TEDC1: variants seen among roughly 807,000 people sequenced by gnomAD.
TEDC1 encodes tubulin epsilon and delta complex protein 1.
Under a neutral mutation model 59.9 loss-of-function variants are expected in TEDC1, and 54 were observed. The observed-to-expected ratio is 0.90, with a 90% CI of 0.72 to 1.13. The LOEUF (loss-of-function observed/expected upper bound fraction) is 1.13. TEDC1 is among the 50% of genes most tolerant of loss of function. The pLI, the probability that TEDC1 is intolerant of heterozygous loss-of-function variation, is 0.00. For synonymous variants in TEDC1, 353 were observed against 298.1 expected, an observed-to-expected ratio of 1.18 and a Z score of -1.90; for missense variants, 734 against 683.4, an observed-to-expected ratio of 1.07 and a Z score of -0.83.
intron 5 of TEDC1, chr14:105,495,591 T>C: frequency 2.8e-6 from 1 of 360,390 alleles, no homozygotes; most frequent in South Asian, 4.6e-5. Context: ...CCAGTCAGCC[T>C]GCACTGGCGT....
rs1476979333 is a variant in TEDC1, at chr14:105,491,720, C to T, written c.226+20C>T. The T allele has an allele frequency of 5.2e-6, 8 of 1,543,360 alleles. No homozygotes were observed. In the Admixed American group the frequency reaches 1.2e-4, roughly 23 times the overall value. On this transcript the variant is annotated intron_variant, in intron 2 of 8. Coordinates refer to ENST00000392523, the MANE Select transcript of TEDC1 (RefSeq NM_001367178.1). ...CCCTGGGTAAGCCCCGCTCCTGGCC[C>T]CGCCCACCCGGTAGCACTGGCCCCG...
At chr14:105,491,022 A>G (rs1302357945), upstream of TEDC1, 4 of 1,550,072 alleles carry the variant, frequency 2.6e-6, no homozygotes, top group African/African-American at 5.5e-5. Flanking sequence ...GAGACAGAAT[A>G]GACTACACTC....
chr14:105,497,344 G>T lies in TEDC1; in HGVS notation c.892-13G>T, dbSNP rs1366600429. On this transcript the variant is annotated splice_polypyrimidine_tract_variant and intron_variant, in intron 6 of 8. Coordinates refer to ENST00000392523, the MANE Select transcript of TEDC1 (RefSeq NM_001367178.1). ...CGTGTGAGGTTCTAGGCCAGCTGCC[G>T]TTTGCCTTCCAGCTGCTGCGGACTC... 7 of 1,549,770 alleles carry T rather than the reference G, an allele frequency of 4.5e-6. No individual in the cohort carries two copies. The highest frequency in any genetic ancestry group is 2.0e-5 in the Admixed American group (1 of 51,016).
chr14:105,491,301 G>T lies in TEDC1; in HGVS notation c.-75G>T. ...GGTCCCAGCCGCCGCACTAAACCCGGCCCGTGCGGTGATTGGACGCAGGCC... is the reference window on the plus strand; with the variant it reads ...GGTCCCAGCCGCCGCACTAAACCCGTCCCGTGCGGTGATTGGACGCAGGCC... On this transcript the variant is annotated 5_prime_UTR_variant, in exon 1 of 9. Coordinates refer to ENST00000392523, the MANE Select transcript of TEDC1 (RefSeq NM_001367178.1). 1 of 1,496,636 alleles carries T rather than the reference G, an allele frequency of 6.7e-7. No individual in the cohort carries two copies. The highest frequency in any genetic ancestry group is 2.5e-5 in the East Asian group (1 of 40,488). 92.7% of individuals were successfully genotyped at this position (1,496,636 alleles called of 1,614,324 possible).
At chr14:105,491,817 A>AC (rs1316566144) in intron 2 of TEDC1, 117 bp downstream of exon 2, 4 of 1,211,392 alleles carry the variant, frequency 3.3e-6, no homozygotes, top group African/African-American at 3.1e-5. Flanking sequence ...CCCAACACTG[A>AC]CCCCGCTTGC....
rs150385054 is a variant in TEDC1 at position 105,497,850 on chromosome 14, C to T, written c.1031C>T (p.Pro344Leu). The change falls in exon 8 of 9, where the codon CCC (proline) becomes CTC (leucine). Residue 344 changes from proline (P) to leucine (L), a missense_variant. Pro to Leu is a moderately conservative substitution (Grantham distance 98). Coordinates refer to ENST00000392523, the MANE Select transcript of TEDC1 (RefSeq NM_001367178.1). Reference sequence around the variant, plus strand: ...GAGGTGCCTGCTGCAGCCTCACAGCCCACCTTCCTGCCCTGGGTCCCCGAG... The same window carrying T: ...GAGGTGCCTGCTGCAGCCTCACAGCTCACCTTCCTGCCCTGGGTCCCCGAG... ...APEVPAAASQ[P>L]TFLPWVPERG... is the part of the protein sequence containing the mutation. The T allele has an allele frequency of 1.3e-6, 2 of 1,571,016 alleles. No homozygotes were observed. The highest frequency in any genetic ancestry group is 8.6e-7 in the Non-Finnish European group (1 of 1,158,466).
chr14:105,498,873 A>C lies in TEDC1; in HGVS notation c.1415A>C (p.Gln472Pro). The change falls in exon 9 of 9, where the codon CAG becomes CCG. Residue 472 changes from glutamine to proline, a missense_variant. By Grantham distance (76) the Gln-to-Pro change is moderately conservative (BLOSUM62 -1). Transcript: ENST00000392523. Reference sequence around the variant, plus strand: ...GCGGTGCTACGTCGACTACAGGGACAGTGTCGGCAGGAACTGGCCAGGCTG... The same window carrying C: ...GCGGTGCTACGTCGACTACAGGGACCGTGTCGGCAGGAACTGGCCAGGCTG... The part of the protein sequence containing the change: ...LEAVLRRLQG[Q>P]CRQELARLVG... 1 of 1,612,136 alleles carries C rather than the reference A, an allele frequency of 6.2e-7. No individual in the cohort carries two copies. The highest frequency in any genetic ancestry group is 8.5e-7 in the Non-Finnish European group (1 of 1,179,754).
chr14:105,492,407 C>A, intron 3 of TEDC1, 98 bp downstream of exon 3: 1 of 1,536,446 alleles, frequency 6.5e-7, no homozygotes. Context: ...CTGCTTTGCT[C>A]CTCAGGGCAG....
chr14:105,492,640 A>C lies in TEDC1; in HGVS notation c.491A>C (p.Asp164Ala), dbSNP rs2141788332. Residue 164 changes from aspartate (D) to alanine (A), a missense_variant, in exon 4 of 9, where the codon GAT (aspartate) becomes GCT (alanine). Transcript: ENST00000392523. ...CACATGGAAGCAGAGGGTCCTGTGGATGTCCGCCATGTGCAGTGGCTGATG... is the reference window on the plus strand; with the variant it reads ...CACATGGAAGCAGAGGGTCCTGTGGCTGTCCGCCATGTGCAGTGGCTGATG... Reference protein sequence around the residue: ...APHMEAEGPVDVRHVQWLMGK... With the variant: ...APHMEAEGPVAVRHVQWLMGK... 6.5e-7 allele frequency: 1 copy of C among 1,543,992 alleles called. No homozygotes were observed. The highest frequency in any genetic ancestry group is 1.7e-4 in the Middle Eastern group (1 of 5,992).
chr14:105,491,190 G>A, upstream of TEDC1: 4 of 1,548,448 alleles, frequency 2.6e-6, no homozygotes, highest in East Asian at 2.4e-5. Flanking sequence ...TTGGGCGCAG[G>A]TCCCAGCCGG....
At chr14:105,493,733 G>A in intron 4 of TEDC1, 102 bp from the exon 5 acceptor site, 1 of 777,996 alleles carries the variant, frequency 1.3e-6, no homozygotes, top group Admixed American at 2.1e-5. Context: ...CCTCATCTGG[G>A]AGGTGGGCTC....
chr14:105,499,156 T>C lies in TEDC1; in HGVS notation c.*210T>C. On this transcript the variant is annotated 3_prime_UTR_variant, in exon 9 of 9. Transcript: ENST00000392523. The stretch of plus-strand genomic sequence containing the variant: ...ACTGGGGACAGGAATGGCTGGTCCC[T>C]TGAGGAGGTCGTGACAGGCTCAGCC... 1 of 606,292 alleles carries C rather than the reference T, an allele frequency of 1.6e-6. No individual in the cohort carries two copies. The highest frequency in any genetic ancestry group is 2.8e-5 in the East Asian group (1 of 35,566). 37.6% of individuals were successfully genotyped at this position (606,292 alleles called of 1,614,324 possible).
At chr14:105,491,790 G>T (rs374028182) in intron 2 of TEDC1, 90 bp downstream of exon 2, 2 of 1,399,068 alleles carry the variant, frequency 1.4e-6, no homozygotes, top group Non-Finnish European at 9.7e-7. Context: ...CCCCGCCCCG[G>T]CAGGCTCTAG....
chr14:105,494,199 G>C, intron 5 of TEDC1: 1 of 545,046 alleles, frequency 1.8e-6, no homozygotes. Flanking sequence ...AGCCTGGGCT[G>C]GGCAGGCAGC....
chr14:105,493,959 G>A (rs782472590), intron 5 of TEDC1, 26 bp downstream of exon 5: 2 of 827,716 alleles, frequency 2.4e-6, no homozygotes, highest in East Asian at 2.7e-5. Context: ...CTGCTGCGGG[G>A]GGGTGGGGGT....
chr14:105,492,397 C>G lies in TEDC1; in HGVS notation c.429+88C>G, dbSNP rs186092145. 116 of 1,549,778 alleles carry G rather than the reference C, an allele frequency of 7.5e-5. No homozygotes were observed. In the East Asian group the frequency reaches 2.4e-3, roughly 32 times the overall value. On this transcript the variant is annotated intron_variant, in intron 3 of 8. Coordinates refer to ENST00000392523, the MANE Select transcript of TEDC1 (RefSeq NM_001367178.1). The stretch of plus-strand genomic sequence containing the variant: ...GCAGGCCTGGGTCAGCCCCCTCTGT[C>G]TGCTTTGCTCCTCAGGGCAGTCCCA...
At chr14:105,494,326 G>A (rs1204311534) in intron 5 of TEDC1, 5 of 277,730 alleles carry the variant, frequency 1.8e-5, no homozygotes, top group East Asian at 2.1e-4. Context: ...GGTGTGGGGG[G>A]CCAGCCCACA....
Position 105,498,746 on chromosome 14 carries a change from C to T in TEDC1, c.1288C>T (p.Pro430Ser). The T allele has an allele frequency of 6.4e-7, 1 of 1,559,138 alleles. No homozygotes were observed. The highest frequency in any genetic ancestry group is 1.2e-5 in the South Asian group (1 of 84,824). ...RDGGPAQPHG[P>S]HRLVRREDGA... is the part of the protein sequence containing the mutation. ...CGGTGGCCCGGCCCAGCCCCATGGG[C>T]CACACCGGCTGGTGAGACGAGAGGA... Residue 430 changes from proline to serine, a missense_variant, in exon 9 of 9, where the codon CCA becomes TCA. Transcript: ENST00000392523.
At chr14:105,490,809 G>GT (rs1327323454), upstream of TEDC1, 17 of 600,980 alleles carry the variant, frequency 2.8e-5, no homozygotes, top group Non-Finnish European at 4.5e-5. Flanking sequence ...CTCCGACTGC[G>GT]TAAGCGGCCC....
Sources: allele counts gnomAD v4.1 joint callset, GRCh38; gene constraint gnomAD v4.1.1; transcripts MANE v1.5; gene names NCBI Gene and HGNC (gene_info 2026-07-23, HGNC 2026-07-21).